Variants in RAC1 observed in about 807,000 individuals in gnomAD.
RAC1 encodes the protein Rac family small GTPase 1, also known as ras-related C3 botulinum toxin substrate 1.
RAC1 carries 2 observed loss-of-function variants against 25.2 expected under a neutral mutation model. The observed-to-expected ratio is 0.08, with a 90% CI of 0.03 to 0.25. RAC1 has a LOEUF of 0.25. Ranked by LOEUF, RAC1 falls within the 10% of genes least tolerant of loss-of-function variation. The pLI, the probability that RAC1 is intolerant of heterozygous loss-of-function variation, is 1.00. For synonymous variants in RAC1, 88 were observed against 94.0 expected, an observed-to-expected ratio of 0.94 and a Z score of 0.37; for missense variants, 50 against 235.7, an observed-to-expected ratio of 0.21 and a Z score of 5.16.
intron 3 of RAC1, among the ~76,000 whole-genome samples, chr7:6,397,538 C>G (rs1783279069): frequency 1.3e-5 from 2 of 152,142 alleles, no homozygotes; most frequent in African/African-American, 4.8e-5. Flanking sequence ...CGTGATCCAC[C>G]TGCCTCGGCC....
intron 2 of RAC1, chr7:6,391,707 G>A: frequency 1.8e-6 from 1 of 556,484 alleles, no homozygotes; most frequent in East Asian, 3.0e-5. Flanking sequence ...CTTGTTGTTT[G>A]TTTCTTTCAT....
intron 2 of RAC1, among the ~76,000 whole-genome samples, chr7:6,388,837 CTT>C (rs1782999702): frequency 1.3e-5 from 2 of 152,124 alleles, no homozygotes; most frequent in South Asian, 2.1e-4. Flanking sequence ...TCCCTTATGT[CTT>C]TGTGTACACT....
At chr7:6,388,346 C>CTTTTCTT (rs1782983893) in intron 2 of RAC1, among the ~76,000 whole-genome samples, 1 of 121,826 alleles carries the variant, frequency 8.2e-6, no homozygotes, top group Non-Finnish European at 1.7e-5. Context: ...TGTTGTTTTC[C>CTTTTCTT]TTTTTTTTTT....
intron 3 of RAC1, among the ~76,000 whole-genome samples, chr7:6,393,289 G>A (rs1783139326): frequency 6.6e-6 from 1 of 152,188 alleles, no homozygotes. Flanking sequence ...CAGTATCTTA[G>A]GAAACTCTTC....
chr7:6,380,978 C>G (rs1052680792), intron 1 of RAC1, among the ~76,000 whole-genome samples: 1 of 152,174 alleles, frequency 6.6e-6, no homozygotes, highest in Non-Finnish European at 1.5e-5. Flanking sequence ...AGGCGATTCT[C>G]CTGCCTCAGC....
At position 6,403,236 on chromosome 7, in the gene RAC1, C is replaced by G. The variant is rs956940129; in HGVS notation, c.*790C>G. 4.6e-6 allele frequency: 1 copy of G among 219,594 alleles called. No homozygotes were observed. Among genetic ancestry groups the G allele is most frequent in the African/African-American group, 2.2e-5 (1 of 44,572 alleles). The allele number at this position is 219,594 out of a possible 1,614,324, so 13.6% of individuals were successfully genotyped here. A position where few individuals can be genotyped will look rare whatever the true frequency, so the allele number is the denominator to read the frequency against. ...AATGAAAGTGTCACGGGTAAAAACTCTAAAAGGTTAATTTCTGTCAAATGC... is the reference window on the plus strand; with the variant it reads ...AATGAAAGTGTCACGGGTAAAAACTGTAAAAGGTTAATTTCTGTCAAATGC... On this transcript the variant is annotated 3_prime_UTR_variant, in exon 6 of 6. Transcript: ENST00000348035.
chr7:6,379,118 C>A (rs1350670985), intron 1 of RAC1, among the ~76,000 whole-genome samples: 1 of 151,936 alleles, frequency 6.6e-6, no homozygotes, highest in African/African-American at 2.4e-5. Flanking sequence ...CAGCATCTTA[C>A]ATTCAGGTAT....
intron 3 of RAC1, among the ~76,000 whole-genome samples, chr7:6,394,652 C>G (rs1261644378): frequency 6.6e-6 from 1 of 151,846 alleles, no homozygotes; most frequent in African/African-American, 2.4e-5. Context: ...CCAGTTGTTT[C>G]ATTTTCTCTC....
Position 6,403,068 on chromosome 7 carries a change from GA to G in RAC1, c.*623del. ...GCGAGTTTTCTGACCAGCTTTTGCG[GA>G]GATTTTGAACAGAACTGCTATTTCC... On this transcript the variant is annotated 3_prime_UTR_variant, in exon 6 of 6. Transcript: ENST00000348035. The G allele has an allele frequency of 5.0e-6, 1 of 201,642 alleles. No homozygotes were observed. Among genetic ancestry groups the G allele is most frequent in the Middle Eastern group, 1.7e-3 (1 of 594 alleles). The allele number at this position is 201,642 out of a possible 1,614,324, so 12.5% of individuals were successfully genotyped here.
At chr7:6,382,388 C>T (rs1470739721) in intron 1 of RAC1, among the ~76,000 whole-genome samples, 5 of 152,192 alleles carry the variant, frequency 3.3e-5, no homozygotes, top group African/African-American at 9.6e-5. Context: ...CTGAGATCAA[C>T]GTGTCTTTAA....
chr7:6,403,179 C>T lies in RAC1; in HGVS notation c.*733C>T, dbSNP rs575473267. On this transcript the variant is annotated 3_prime_UTR_variant, in exon 6 of 6. Transcript: ENST00000348035. The stretch of plus-strand genomic sequence containing the variant: ...ACAAAGACAGTATTTTGACAAAATA[C>T]GAAGTGGAGATTTACACTACATTGT... The T allele has an allele frequency of 1.4e-5, 3 of 220,638 alleles. No individual in the cohort carries two copies. Among genetic ancestry groups the T allele is most frequent in the South Asian group, 1.8e-4 (1 of 5,412 alleles). The allele number at this position is 220,638 out of a possible 1,614,324, so 13.7% of individuals were successfully genotyped here.
rs1693566029 is a variant in RAC1, at chr7:6,403,814, A to G, written c.*1368A>G. The G allele has an allele frequency of 9.2e-6, 2 of 217,952 alleles. No homozygotes were observed. The highest frequency in any genetic ancestry group is 5.8e-5 in the Admixed American group (1 of 17,232). 13.5% of individuals were successfully genotyped at this position (217,952 alleles called of 1,614,324 possible). A position where few individuals can be genotyped will look rare whatever the true frequency, so the allele number is the denominator to read the frequency against. On this transcript the variant is annotated 3_prime_UTR_variant, in exon 6 of 6. Coordinates refer to ENST00000348035, the MANE Select transcript of RAC1 (RefSeq NM_006908.5). ...GACGATGTTCTGTACAACTTAACTC[A>G]CTGGCGAGAATACAGCGTGGGACCC...
chr7:6,374,780 C>T lies in RAC1; in HGVS notation c.35+10C>T, dbSNP rs1291810740. On this transcript the variant is annotated intron_variant, in intron 1 of 5. Coordinates refer to ENST00000348035, the MANE Select transcript of RAC1 (RefSeq NM_006908.5). ...TGGTGGTGGGAGACGGGTGAGTGCG[C>T]GGCCGGGGCCGGGCTGGAGGCCGCG... 4 of 1,131,422 alleles carry T rather than the reference C, an allele frequency of 3.5e-6. No homozygotes were observed. The highest frequency in any genetic ancestry group is 1.7e-5 in the African/African-American group (1 of 59,848). 70.1% of individuals were successfully genotyped at this position (1,131,422 alleles called of 1,614,324 possible).
At chr7:6,390,089 T>C (rs970606090) in intron 2 of RAC1, among the ~76,000 whole-genome samples, 349 of 65,612 alleles carry the variant, frequency 5.3e-3, no homozygotes, top group South Asian at 8.3e-3. Flanking sequence ...GCTCCCTCCC[T>C]CCCTCCCTTT....
At chr7:6,401,206 G>A (rs1447154737) in intron 4 of RAC1, among the ~76,000 whole-genome samples, 1 of 152,064 alleles carries the variant, frequency 6.6e-6, no homozygotes, top group Non-Finnish European at 1.5e-5. Flanking sequence ...TCCACCCGCC[G>A]CAGACTCCCA....
At position 6,402,526 on chromosome 7, in the gene RAC1, A is replaced by AAAAAAAAAAAAAAC. The variant is rs1562471619; in HGVS notation, c.*91_*92insAACAAAAAAAAAAA. Reference sequence around the variant, plus strand: ...TCAAAAAAAAACAAAAAAAAAAAACAAAAAAAAAAAACAACGGTGGAGCCT... The same window carrying AAAAAAAAAAAAAAC: ...TCAAAAAAAAACAAAAAAAAAAAACAAAAAAAAAAAAAACAAAAAAAAAAACAACGGTGGAGCCT... On this transcript the variant is annotated 3_prime_UTR_variant, in exon 6 of 6. Transcript: ENST00000348035. 8 of 703,924 alleles carry AAAAAAAAAAAAAAC rather than the reference A, an allele frequency of 1.1e-5. No homozygotes were observed. Among genetic ancestry groups the AAAAAAAAAAAAAAC allele is most frequent in the Non-Finnish European group, 1.3e-5 (7 of 529,876 alleles). The allele number at this position is 703,924 out of a possible 1,614,324, so 43.6% of individuals were successfully genotyped here.
chr7:6,396,801 T>C (rs1164799287), intron 3 of RAC1, among the ~76,000 whole-genome samples: 2 of 151,808 alleles, frequency 1.3e-5, no homozygotes, highest in Admixed American at 6.6e-5. Context: ...GAGGCCGAGG[T>C]GGGCGGATCA....
chr7:6,401,585 G>C (rs1316880767), intron 4 of RAC1: 1 of 240,210 alleles, frequency 4.2e-6, no homozygotes, highest in Non-Finnish European at 8.0e-6. Context: ...CCTTCCTTTT[G>C]TTTCTCTTCC....
intron 3 of RAC1, among the ~76,000 whole-genome samples, chr7:6,398,103 ACCAGTCTC>A (rs1355896211): frequency 5.3e-5 from 8 of 152,186 alleles, no homozygotes; most frequent in African/African-American, 1.9e-4. Context: ...GTACATTCAA[ACCAGTCTC>A]CCAGAACTAG....
Sources: allele counts gnomAD v4.1 joint callset (sites outside exome capture counted in the v4.1 genomes callset), GRCh38; gene constraint gnomAD v4.1.1; transcripts MANE v1.5; gene names NCBI Gene and HGNC (gene_info 2026-07-23, HGNC 2026-07-21).